The following CTNND2 variants were observed in gnomAD, a reference collection of about 807,000 sequenced individuals.
CTNND2 encodes catenin delta-2.
Under a neutral mutation model 144.4 loss-of-function variants are expected in CTNND2, and 22 were observed. That is an observed-to-expected ratio of 0.15 (90% CI 0.11 to 0.22). The LOEUF is 0.22. CTNND2 is among the 10% of genes least tolerant of loss of function. CTNND2 has a pLI of 1.00. For missense variants in CTNND2, 1,353 were observed against 1,618.8 expected (o/e 0.84, Z 2.82); for synonymous variants, 751 against 695.6 (o/e 1.08, Z -1.25).
At chr5:11,847,532 A>T (rs1794806349) in intron 1 of CTNND2, among the ~76,000 whole-genome samples, 1 of 152,044 alleles carries the variant, frequency 6.6e-6, no homozygotes, top group Non-Finnish European at 1.5e-5. Flanking sequence ...TTATAAAATT[A>T]CAGTTAGGAA....
intron 1 of CTNND2, among the ~76,000 whole-genome samples, chr5:11,902,234 G>C (rs951401145): frequency 1.3e-5 from 2 of 152,170 alleles, no homozygotes; most frequent in African/African-American, 2.4e-5. Flanking sequence ...AACAACAGTA[G>C]GAACATTCTC....
chr5:11,835,430 C>A (rs1794124763), intron 1 of CTNND2, among the ~76,000 whole-genome samples: 1 of 152,036 alleles, frequency 6.6e-6, no homozygotes, highest in Admixed American at 6.6e-5. Context: ...CACCGGGAAA[C>A]CATCTAGGCC....
At chr5:11,637,669 AAC>A in intron 2 of CTNND2, among the ~76,000 whole-genome samples, 1 of 152,220 alleles carries the variant, frequency 6.6e-6, no homozygotes, top group Non-Finnish European at 1.5e-5. Flanking sequence ...TAACATAAAA[AAC>A]AGAGACCTTA....
intron 12 of CTNND2, among the ~76,000 whole-genome samples, chr5:11,123,737 A>G (rs1754372941): frequency 6.6e-6 from 1 of 152,242 alleles, no homozygotes; most frequent in African/African-American, 2.4e-5. Flanking sequence ...ACTGGTCTCC[A>G]GCTGATGAGA....
intron 16 of CTNND2, among the ~76,000 whole-genome samples, chr5:11,071,653 T>C (rs1748319864): frequency 6.6e-6 from 1 of 151,796 alleles, no homozygotes; most frequent in Non-Finnish European, 1.5e-5. Flanking sequence ...CTGGAGTACC[T>C]TGCAAAGGTA....
chr5:11,866,028 T>G (rs1358772985), intron 1 of CTNND2, among the ~76,000 whole-genome samples: 1 of 150,960 alleles, frequency 6.6e-6, no homozygotes, highest in Non-Finnish European at 1.5e-5. Flanking sequence ...GAGGAACAGG[T>G]GTAGTGGCTC....
At chr5:11,017,888 T>G in intron 18 of CTNND2, 86 bp downstream of exon 18, 1 of 1,014,916 alleles carries the variant, frequency 9.9e-7, no homozygotes, top group East Asian at 2.4e-5. Flanking sequence ...ACTGAGGCTG[T>G]GGGAAAGTGC....
chr5:11,125,825 G>A (rs1710378565), intron 12 of CTNND2, among the ~76,000 whole-genome samples: 2 of 152,214 alleles, frequency 1.3e-5, no homozygotes, highest in Admixed American at 1.3e-4. Context: ...GGAAATCACT[G>A]TGACCATTTG....
chr5:11,776,207 G>C (rs1164526180), intron 1 of CTNND2, among the ~76,000 whole-genome samples: 1 of 152,090 alleles, frequency 6.6e-6, no homozygotes, highest in African/African-American at 2.4e-5. Flanking sequence ...AATGGTGGGG[G>C]CAGAATCCTA....
intron 1 of CTNND2, among the ~76,000 whole-genome samples, chr5:11,900,137 A>G (rs1281521607): frequency 2.0e-5 from 3 of 152,208 alleles, no homozygotes; most frequent in African/African-American, 7.2e-5. Flanking sequence ...AGACAGGTGA[A>G]TATTTATCTA....
chr5:11,705,317 C>T (rs1203680930), intron 2 of CTNND2, among the ~76,000 whole-genome samples: 3 of 152,118 alleles, frequency 2.0e-5, no homozygotes, highest in Non-Finnish European at 2.9e-5. Context: ...CCACCCAACT[C>T]CATTCCTGAG....
At chr5:11,443,995 C>A (rs183658355) in intron 3 of CTNND2, among the ~76,000 whole-genome samples, 519 of 152,282 alleles carry the variant, frequency 3.4e-3, no homozygotes, top group African/African-American at 0.012. Context: ...ATGGATGAAT[C>A]AAGTCATTAA....
At chr5:11,544,660 G>A (rs1263399566) in intron 3 of CTNND2, among the ~76,000 whole-genome samples, 1 of 152,230 alleles carries the variant, frequency 6.6e-6, no homozygotes, top group Non-Finnish European at 1.5e-5. Context: ...TCTTTATGAT[G>A]AAACACTTAG....
At chr5:11,807,879 TTAA>T (rs1322286425) in intron 1 of CTNND2, among the ~76,000 whole-genome samples, 4 of 152,198 alleles carry the variant, frequency 2.6e-5, no homozygotes, top group Non-Finnish European at 4.4e-5. Context: ...ACTTATATTA[TTAA>T]TGATTGTGTT....
At chr5:11,110,785 A>C in intron 14 of CTNND2, 73 bp downstream of exon 14, 1 of 1,403,018 alleles carries the variant, frequency 7.1e-7, no homozygotes, top group African/African-American at 1.4e-5. Context: ...CTCATTCTCT[A>C]TATATTGAGG....
intron 16 of CTNND2, among the ~76,000 whole-genome samples, chr5:11,058,213 C>T (rs1298066973): frequency 6.6e-6 from 1 of 152,182 alleles, no homozygotes; most frequent in Non-Finnish European, 1.5e-5. Flanking sequence ...GGGAAAATGT[C>T]TCCAGGGCAT....
intron 12 of CTNND2, among the ~76,000 whole-genome samples, chr5:11,117,923 G>A (rs1038249644): frequency 8.5e-5 from 13 of 152,180 alleles, no homozygotes; most frequent in Admixed American, 3.3e-4. Flanking sequence ...TGAGAGGTCC[G>A]AAACACTTTC....
In CTNND2 at chr5:11,069,994, T is replaced by C. The variant is rs1023162225; in HGVS notation, c.2788+12702A>G. 3.9e-5 allele frequency among the ~76,000 whole-genome samples: 6 copies of C among 152,312 alleles called. No individual in the cohort carries two copies. The South Asian group carries it at 1.2e-3, about 32-fold the overall frequency. ...CAACCCCGTAGATGAAATGAGGTGCTTTTTAGGAGGAAAGAATTACCAACT... is the reference window on the plus strand; with the variant it reads ...CAACCCCGTAGATGAAATGAGGTGCCTTTTAGGAGGAAAGAATTACCAACT... On this transcript the variant is annotated intron_variant, in intron 16 of 21. Transcript: ENST00000304623.
intron 12 of CTNND2, among the ~76,000 whole-genome samples, chr5:11,155,550 G>C (rs1758139627): frequency 6.6e-6 from 1 of 152,132 alleles, no homozygotes; most frequent in Non-Finnish European, 1.5e-5. Context: ...CCTGGGATTA[G>C]GGGTGGTGGG....
Sources: gnomAD v4.1 joint callset for allele counts (sites outside exome capture counted in the v4.1 genomes callset) on GRCh38, gnomAD v4.1.1 for gene constraint, MANE v1.5 for transcripts, NCBI Gene and HGNC (gene_info 2026-07-23, HGNC 2026-07-21) for gene names.